AKAP11: variants seen among roughly 807,000 people sequenced by gnomAD.
AKAP11 encodes A-kinase anchoring protein 11, also known as A-kinase anchor protein 11.
In AKAP11, 36 loss-of-function variants were observed where a neutral mutation model predicts 146.1. The observed-to-expected ratio is 0.25, with a 90% CI of 0.19 to 0.33. The LOEUF (loss-of-function observed/expected upper bound fraction) is 0.33. AKAP11 is among the 10% of genes least tolerant of loss of function. AKAP11 has a pLI of 1.00. For synonymous variants in AKAP11, 780 were observed against 786.5 expected (o/e 0.99, Z 0.14); for missense variants, 2,201 against 2,197.0 (o/e 1.00, Z -0.04).
At chr13:42,275,369 A>G (rs3783192) in intron 1 of AKAP11, among the ~76,000 whole-genome samples, 56,869 of 152,104 alleles carry the variant, frequency 0.37, 11,084 homozygotes, top group East Asian at 0.63. Flanking sequence ...ATGTTTCTAG[A>G]GAGAGAATCC....
At chr13:42,282,490 A>C (rs1253505031) in intron 1 of AKAP11, among the ~76,000 whole-genome samples, 1 of 152,058 alleles carries the variant, frequency 6.6e-6, no homozygotes, top group Non-Finnish European at 1.5e-5. Flanking sequence ...GTGCAAGTAT[A>C]TATGTAGGAT....
At chr13:42,271,702 G>T (rs367883979), upstream of AKAP11, among the ~76,000 whole-genome samples, 14 of 152,292 alleles carry the variant, frequency 9.2e-5, no homozygotes, top group African/African-American at 3.1e-4. Flanking sequence ...GGACTTGCCA[G>T]AGGGAAGGGT....
At position 42,300,196 on chromosome 13, in the gene AKAP11, G is replaced by A; in HGVS notation, c.1450G>A (p.Val484Ile). The A allele has an allele frequency of 1.2e-6, 2 of 1,613,894 alleles. No homozygotes were observed. Among genetic ancestry groups the A allele is most frequent in the Non-Finnish European group, 1.7e-6 (2 of 1,179,876 alleles). Reference sequence around the variant, plus strand: ...TAGGATTCATGAAAATCATGATTCTGTTTATTACACCTATGAAGACTATGC... The same window carrying A: ...TAGGATTCATGAAAATCATGATTCTATTTATTACACCTATGAAGACTATGC... ...GDRIHENHDS[V>I]YYTYEDYAKS... The change falls in exon 8 of 13, where the codon GTT becomes ATT. Residue 484 changes from valine to isoleucine, a missense_variant. Transcript: ENST00000025301.
At position 42,301,889 on chromosome 13, in the gene AKAP11, A is replaced by T; in HGVS notation, c.3143A>T (p.His1048Leu). The change falls in exon 8 of 13, where the codon CAT becomes CTT. Residue 1048 changes from histidine (H) to leucine (L), a missense_variant. Coordinates refer to ENST00000025301, the MANE Select transcript of AKAP11 (RefSeq NM_016248.4). ...GCTAAGGATCAACCACTGAAAAAGC[A>T]TAACTTGAATAGTACATCACTTGAG... Reference protein sequence around the residue: ...ESAKDQPLKKHNLNSTSLEAL... With the variant: ...ESAKDQPLKKLNLNSTSLEAL... The T allele has an allele frequency of 6.2e-7, 1 of 1,614,162 alleles. No individual in the cohort carries two copies. Among genetic ancestry groups the T allele is most frequent in the Middle Eastern group, 1.6e-4 (1 of 6,062 alleles).
At chr13:42,298,500 A>T in intron 6 of AKAP11, 33 bp from the exon 7 acceptor site, 1 of 1,597,040 alleles carries the variant, frequency 6.3e-7, no homozygotes, top group Non-Finnish European at 8.5e-7. Flanking sequence ...TTTGAAATTA[A>T]AATTGTTTTT....
rs770066346 is a variant in AKAP11, at chr13:42,299,979, T to C, written c.1233T>C (p.Asn411=). Residue 411 remains asparagine (N), a synonymous_variant, in exon 8 of 13, where the codon AAT becomes AAC. Coordinates refer to ENST00000025301, the MANE Select transcript of AKAP11 (RefSeq NM_016248.4). ...FKFDRPALPA[N]VRKPTPRKPE... ...TTGATCGTCCAGCTCTCCCAGCTAA[T>C]GTTAGAAAGCCAACTCCTCGTAAAC... 84 of 1,613,856 alleles carry C rather than the reference T, an allele frequency of 5.2e-5. No individual in the cohort carries two copies. Among genetic ancestry groups the C allele is most frequent in the Non-Finnish European group, 6.2e-5 (73 of 1,179,862 alleles).
Position 42,308,623 on chromosome 13 carries a change from T to G in AKAP11, c.5273+14T>G. 2 of 1,604,686 alleles carry G rather than the reference T, an allele frequency of 1.2e-6. No homozygotes were observed. On this transcript the variant is annotated intron_variant, in intron 9 of 12. Transcript: ENST00000025301. ...TCTAAGTGAAAGGTAACTACACTTTTGCATATAATTGTGTAGTTTAGGTCC... is the reference window on the plus strand; with the variant it reads ...TCTAAGTGAAAGGTAACTACACTTTGGCATATAATTGTGTAGTTTAGGTCC...
chr13:42,292,001 C>G (rs1264889915), intron 3 of AKAP11, among the ~76,000 whole-genome samples: 2 of 152,190 alleles, frequency 1.3e-5, no homozygotes, highest in Non-Finnish European at 1.5e-5. Context: ...TGCACCTTAC[C>G]ATAGCTCCCA....
At position 42,315,938 on chromosome 13, in the gene AKAP11, A is replaced by G. The variant is rs561694661; in HGVS notation, c.5405-1590A>G. Among the ~76,000 whole-genome samples, 320 of 152,280 alleles carry G rather than the reference A, an allele frequency of 2.1e-3. 2 individuals are homozygous for G. The highest frequency in any genetic ancestry group is 7.3e-3 in the African/African-American group (305 of 41,556). ...TGGTTAGAGACTTCTCTAAAGAGAG[A>G]GCCGTTTGGAGGTTCTTGTAGGCCA... On this transcript the variant is annotated intron_variant, in intron 11 of 12. Coordinates refer to ENST00000025301, the MANE Select transcript of AKAP11 (RefSeq NM_016248.4).
intron 1 of AKAP11, among the ~76,000 whole-genome samples, chr13:42,275,717 T>G (rs564671275): frequency 6.6e-6 from 1 of 152,220 alleles, no homozygotes; most frequent in Non-Finnish European, 1.5e-5. Flanking sequence ...ACTGAAATGC[T>G]TGATGACTCA....
chr13:42,274,792 ATG>A (rs1261999680), intron 1 of AKAP11, among the ~76,000 whole-genome samples: 2 of 150,598 alleles, frequency 1.3e-5, no homozygotes, highest in African/African-American at 4.8e-5. Flanking sequence ...TAATCTGAGA[ATG>A]TTTCTTGGGA....
At chr13:42,271,635 G>T (rs1958769371), upstream of AKAP11, among the ~76,000 whole-genome samples, 1 of 152,234 alleles carries the variant, frequency 6.6e-6, no homozygotes, top group Non-Finnish European at 1.5e-5. Flanking sequence ...AGACTAAGGG[G>T]TCGAGGGAAA....
chr13:42,310,820 C>T (rs541392715), intron 9 of AKAP11, among the ~76,000 whole-genome samples: 2 of 149,406 alleles, frequency 1.3e-5, no homozygotes, highest in African/African-American at 2.5e-5. Flanking sequence ...GATTGTGCCA[C>T]TGTACTCCAT....
chr13:42,308,902 AT>A (rs36028644), intron 9 of AKAP11, among the ~76,000 whole-genome samples: 3 of 150,732 alleles, frequency 2.0e-5, no homozygotes, highest in South Asian at 4.2e-4. Context: ...CTGAGGAAAA[AT>A]TTTTTTTTTC....
chr13:42,307,852 C>T (rs1487834249), intron 8 of AKAP11, among the ~76,000 whole-genome samples: 1 of 152,206 alleles, frequency 6.6e-6, no homozygotes, highest in African/African-American at 2.4e-5. Flanking sequence ...CTTTGAACTA[C>T]TTTGTTGAAC....
rs1186564047 is a variant in AKAP11 at position 42,303,188 on chromosome 13, C to T, written c.4442C>T (p.Pro1481Leu). Reference sequence around the variant, plus strand: ...TTGACAGCCTCTCTAGTTGGCCTACCAAAATCCTTAACAGATTCTTGCTTG... The same window carrying T: ...TTGACAGCCTCTCTAGTTGGCCTACTAAAATCCTTAACAGATTCTTGCTTG... ...EELTASLVGL[P>L]KSLTDSCLFE... Residue 1481 changes from proline (P) to leucine (L), a missense_variant, in exon 8 of 13, where the codon CCA becomes CTA. By Grantham distance (98) the Pro-to-Leu change is moderately conservative. This residue lies in a region of AKAP11 where 1,867 missense variants were observed against 1,833.5 expected (regional missense o/e 1.02). Transcript: ENST00000025301. 1 of 1,614,100 alleles carries T rather than the reference C, an allele frequency of 6.2e-7. No individual in the cohort carries two copies. Among genetic ancestry groups the T allele is most frequent in the Non-Finnish European group, 8.5e-7 (1 of 1,180,004 alleles).
Position 42,301,378 on chromosome 13 carries a change from G to A in AKAP11, c.2632G>A (p.Ala878Thr). The change falls in exon 8 of 13, where the codon GCA becomes ACA. Residue 878 changes from alanine to threonine, a missense_variant. By Grantham distance (58) the Ala-to-Thr change is moderately conservative. Around this residue, in one of 3 missense-constraint regions of AKAP11, gnomAD observed 1,867 missense variants for 1,833.5 expected, o/e 1.02. Coordinates refer to ENST00000025301, the MANE Select transcript of AKAP11 (RefSeq NM_016248.4). Reference sequence around the variant, plus strand: ...TGCAATTATTAGCAACTTTTCTGCAGCAGTGGTGCATACGATAGTAAATGA... The same window carrying A: ...TGCAATTATTAGCAACTTTTCTGCAACAGTGGTGCATACGATAGTAAATGA... ...DPAIISNFSA[A>T]VVHTIVNETL... 6.2e-7 allele frequency: 1 copy of A among 1,613,158 alleles called. No individual in the cohort carries two copies. The highest frequency in any genetic ancestry group is 8.5e-7 in the Non-Finnish European group (1 of 1,179,614).
At chr13:42,293,009 A>T (rs1473402624) in intron 4 of AKAP11, among the ~76,000 whole-genome samples, 1 of 152,216 alleles carries the variant, frequency 6.6e-6, no homozygotes, top group Non-Finnish European at 1.5e-5. Flanking sequence ...TTTCTCTGCT[A>T]CATCCAGTGT....
chr13:42,285,304 G>C (rs1000301739), intron 1 of AKAP11, among the ~76,000 whole-genome samples: 3 of 152,026 alleles, frequency 2.0e-5, no homozygotes, highest in African/African-American at 7.2e-5. Flanking sequence ...TCAGCCTCTC[G>C]AGTAGCTGAG....
Sources: gnomAD v4.1 joint callset for allele counts (sites outside exome capture counted in the v4.1 genomes callset) on GRCh38, gnomAD v4.1.1 for gene constraint, gnomAD v4.1.1 regional missense constraint, MANE v1.5 for transcripts, NCBI Gene and HGNC (gene_info 2026-07-23, HGNC 2026-07-21) for gene names.